Variants in CTBP1 observed in about 807,000 individuals in gnomAD.
CTBP1 encodes the protein C-terminal-binding protein 1.
A neutral mutation model predicts 42.1 loss-of-function variants in CTBP1; 11 were observed. That is an observed-to-expected ratio of 0.26 (90% confidence interval 0.16 to 0.43). The LOEUF is 0.43. Ranked by LOEUF, CTBP1 falls within the 20% of genes least tolerant of loss-of-function variation. The probability of loss-of-function intolerance (pLI) is 1.00; values close to 1 mark genes in which losing one functional copy is unlikely to be tolerated. For missense variants in CTBP1, 399 were observed against 624.3 expected (o/e 0.64, Z 3.85); for synonymous variants, 324 against 277.1 (o/e 1.17, Z -1.68).
chr4:1,211,878 A>C lies in CTBP1; in HGVS notation c.*362T>G, dbSNP rs1218782310. ...CGTTCCAACATACAAAAAAAAAAAA[A>C]ACAAAAAAAAAAACCTCAAATTGAC... is the stretch of plus-strand genomic sequence containing the variant. On this transcript the variant is annotated 3_prime_UTR_variant, in exon 10 of 10. Transcript: ENST00000382952. The C allele has an allele frequency of 3.5e-5, 6 of 172,342 alleles. No homozygotes were observed. Among genetic ancestry groups the C allele is most frequent in the Non-Finnish European group, 4.9e-5 (4 of 82,338 alleles). 10.7% of individuals were successfully genotyped at this position (172,342 alleles called of 1,614,324 possible). A position where few individuals can be genotyped will look rare whatever the true frequency, so the allele number is the denominator to read the frequency against.
rs1347604660 is a variant in CTBP1 at position 1,237,897 on chromosome 4, C to T, written c.162+286G>A. 4.3e-6 allele frequency: 3 copies of T among 700,928 alleles called. No homozygotes were observed. In the Admixed American group the frequency reaches 6.0e-5, roughly 14 times the overall value. The allele number at this position is 700,928 out of a possible 1,614,324, so 43.4% of individuals were successfully genotyped here. A position where few individuals can be genotyped will look rare whatever the true frequency, so the allele number is the denominator to read the frequency against. ...CACAGGGCAAACCGAATGTCCACCT[C>T]CTGATGGGGCTCAGGACAAACGTGG... On this transcript the variant is annotated intron_variant, in intron 3 of 9. Coordinates refer to ENST00000382952, the MANE Select transcript of CTBP1 (RefSeq NM_001012614.2).
chr4:1,245,634 G>C (rs1371018413), intron 1 of CTBP1: 1 of 983,918 alleles, frequency 1.0e-6, no homozygotes, highest in Non-Finnish European at 1.2e-6. Context: ...GCATAGCAGA[G>C]TGGCATGGAC....
intron 1 of CTBP1, among the ~76,000 whole-genome samples, chr4:1,247,449 G>A (rs1198265552): frequency 1.3e-5 from 2 of 152,094 alleles, no homozygotes; most frequent in African/African-American, 2.4e-5. Context: ...GAGGTGGCCA[G>A]GCCCGGGCAG....
chr4:1,248,234 G>C (rs970239489), intron 1 of CTBP1, among the ~76,000 whole-genome samples: 1 of 151,894 alleles, frequency 6.6e-6, no homozygotes, highest in African/African-American at 2.4e-5. Flanking sequence ...AAGGGCAGGT[G>C]GGGGCGCTGG....
chr4:1,229,891 G>A (rs1730777984), intron 3 of CTBP1, among the ~76,000 whole-genome samples: 1 of 152,220 alleles, frequency 6.6e-6, no homozygotes, highest in Non-Finnish European at 1.5e-5. Context: ...CACAGACCAG[G>A]GCCACAGCAG....
At position 1,228,294 on chromosome 4, in the gene CTBP1, G is replaced by A. The variant is rs140274040; in HGVS notation, c.212C>T (p.Thr71Ile). 8.2e-5 allele frequency: 133 copies of A among 1,614,030 alleles called. No homozygotes were observed. The highest frequency in any genetic ancestry group is 1.1e-4 in the Non-Finnish European group (128 of 1,180,008). Reference protein sequence around the residue: ...GALMYHTITLTREDLEKFKAL... With the variant: ...GALMYHTITLIREDLEKFKAL... ...TTTGAACTTCTCCAGGTCCTCCCTG[G>A]TGAGAGTGATGGTGTGGTACATCAG... is the stretch of plus-strand genomic sequence containing the variant. The change falls in exon 4 of 10, where the codon ACC becomes ATC. Residue 71 changes from threonine (T) to isoleucine (I), a missense_variant. Coordinates refer to ENST00000382952, the MANE Select transcript of CTBP1 (RefSeq NM_001012614.2).
At chr4:1,243,324 G>A (rs1441044484) in intron 1 of CTBP1, 5 of 985,286 alleles carry the variant, frequency 5.1e-6, no homozygotes, top group South Asian at 4.7e-5. Flanking sequence ...TGAGGAGGCC[G>A]TGAGCTCCCG....
chr4:1,248,606 T>G (rs1326104364), intron 1 of CTBP1: 2 of 885,556 alleles, frequency 2.3e-6, no homozygotes, highest in East Asian at 1.2e-4. Flanking sequence ...CTGGGGTCGG[T>G]GGAGCTGGGG....
intron 3 of CTBP1, chr4:1,234,620 A>T (rs550367990): frequency 6.6e-6 from 1 of 152,370 alleles, no homozygotes; most frequent in South Asian, 2.1e-4. Context: ...TTAGAAAAAC[A>T]TCTGTTTTGC....
chr4:1,234,496 GCCT>G (rs1240950078), intron 3 of CTBP1, among the ~76,000 whole-genome samples: 10 of 152,218 alleles, frequency 6.6e-5, no homozygotes, highest in Non-Finnish European at 1.5e-4. Context: ...GGGCTGTGCA[GCCT>G]GGGTGGGGAG....
Position 1,221,921 on chromosome 4 carries a change from G to A in CTBP1, c.514+3439C>T, listed in dbSNP as rs138340421. 326 of 373,450 alleles carry A rather than the reference G, an allele frequency of 8.7e-4. 1 individual carries two copies. The Middle Eastern group carries it at 0.023, about 26-fold the overall frequency. 23.1% of individuals were successfully genotyped at this position (373,450 alleles called of 1,614,324 possible). ...GAAACAAGAAGGAGATGTAAGTCAC[G>A]GGCACCAGAGCCTCGTAGAGCAGAG... On this transcript the variant is annotated intron_variant, in intron 5 of 9. Transcript: ENST00000382952.
At chr4:1,234,602 C>A (rs998562446) in intron 3 of CTBP1, 2 of 152,264 alleles carry the variant, frequency 1.3e-5, no homozygotes, top group Non-Finnish European at 2.9e-5. Flanking sequence ...TTTGGGATTA[C>A]TGCAATTTTA....
At chr4:1,234,295 T>C (rs1731262735) in intron 3 of CTBP1, among the ~76,000 whole-genome samples, 3 of 152,234 alleles carry the variant, frequency 2.0e-5, no homozygotes, top group African/African-American at 7.2e-5. Context: ...TTTTCACTCA[T>C]GTTTTTAATT....
chr4:1,249,649 C>T (rs1733147884), upstream of CTBP1: 2 of 424,814 alleles, frequency 4.7e-6, no homozygotes, highest in Non-Finnish European at 4.7e-6. Context: ...CCTGATTTAC[C>T]GTCCGAGAGC....
At position 1,216,095 on chromosome 4, in the gene CTBP1, C is replaced by T. The variant is rs529740572; in HGVS notation, c.625G>A (p.Val209Ile). The change falls in exon 6 of 10, where the codon GTC becomes ATC. Residue 209 changes from valine to isoleucine, a missense_variant. By Grantham distance (29) the Val-to-Ile change is conservative. Coordinates refer to ENST00000382952, the MANE Select transcript of CTBP1 (RefSeq NM_001012614.2). ...GVERALGLQR[V>I]STLQDLLFHS... ...AAGAGCAGGTCCTGCAGGGTGCTGACACGCTGCAGCCCCAGCGCCCGCTCC... is the reference window on the plus strand; with the variant it reads ...AAGAGCAGGTCCTGCAGGGTGCTGATACGCTGCAGCCCCAGCGCCCGCTCC... 1.2e-6 allele frequency: 2 copies of T among 1,611,482 alleles called. No individual in the cohort carries two copies. Among genetic ancestry groups the T allele is most frequent in the Admixed American group, 1.7e-5 (1 of 60,012 alleles).
At chr4:1,224,117 C>T (rs1325808010) in intron 5 of CTBP1, among the ~76,000 whole-genome samples, 2 of 152,250 alleles carry the variant, frequency 1.3e-5, no homozygotes, top group African/African-American at 4.8e-5. Context: ...GGGGCGAGCA[C>T]ATGCTAGACC....
intron 4 of CTBP1, among the ~76,000 whole-genome samples, chr4:1,226,631 G>C (rs1182681670): frequency 6.6e-6 from 1 of 150,828 alleles, no homozygotes; most frequent in Non-Finnish European, 1.5e-5. Context: ...CCTGGCTGAA[G>C]AACAGAGCCC....
chr4:1,239,205 G>A (rs1356255490), intron 2 of CTBP1, among the ~76,000 whole-genome samples: 1 of 152,210 alleles, frequency 6.6e-6, no homozygotes, highest in East Asian at 1.9e-4. Context: ...AGAAATAAGG[G>A]CTCTGAGGCG....
At chr4:1,225,004 ATC>A (rs1397363719) in intron 5 of CTBP1, among the ~76,000 whole-genome samples, 1 of 150,096 alleles carries the variant, frequency 6.7e-6, no homozygotes, top group East Asian at 2.0e-4. Context: ...TCCGTGTGTT[ATC>A]TATGTGCCCA....
Sources: gnomAD v4.1 joint callset for allele counts (sites outside exome capture counted in the v4.1 genomes callset) on GRCh38, gnomAD v4.1.1 for gene constraint, MANE v1.5 for transcripts, NCBI Gene and HGNC (gene_info 2026-07-23, HGNC 2026-07-21) for gene names.